Variants in PCDH15 observed in about 807,000 individuals in gnomAD.
PCDH15 encodes the protein protocadherin-15.
A neutral mutation model predicts 178.5 loss-of-function variants in PCDH15; 129 were observed. The observed-to-expected ratio is 0.72, with a 90% confidence interval of 0.63 to 0.84. The LOEUF is 0.84. Ranked by LOEUF, PCDH15 falls within the 40% of genes least tolerant of loss-of-function variation. The pLI, the probability that PCDH15 is intolerant of heterozygous loss-of-function variation, is 0.00. For synonymous variants in PCDH15, 800 were observed against 732.0 expected (o/e 1.09, Z -1.50); for missense variants, 2,230 against 2,099.9 (o/e 1.06, Z -1.21).
chr10:53,885,609 C>T (rs2081036389), intron 26 of PCDH15, among the ~76,000 whole-genome samples: 2 of 152,032 alleles, frequency 1.3e-5, no homozygotes, highest in African/African-American at 2.4e-5. Context: ...CCATTGACAA[C>T]AAGAAAATTC....
intron 2 of PCDH15, among the ~76,000 whole-genome samples, chr10:54,535,219 C>T (rs2084345840): frequency 6.6e-6 from 1 of 152,018 alleles, no homozygotes; most frequent in African/African-American, 2.4e-5. Context: ...TAGTAATATC[C>T]ACCAAATTCA....
In PCDH15 at chr10:54,189,273, C is replaced by T. The variant is rs73244898; in HGVS notation, c.1306-4005G>A. 6.7e-4 allele frequency: 642 copies of T among 958,186 alleles called. 2 individuals carry two copies. The African/African-American group carries it at 9.8e-3, about 15-fold the overall frequency. 59.4% of individuals were successfully genotyped at this position (958,186 alleles called of 1,614,324 possible). On this transcript the variant is annotated intron_variant, in intron 11 of 37. Coordinates refer to ENST00000644397, the MANE Select transcript of PCDH15 (RefSeq NM_001384140.1). ...CTTATAAGGGATAATGAAGTAATAC[C>T]TACGTGTTTTAGTGAAGAAAAAAAA...
At chr10:55,569,139 C>G (rs1363626998) in intron 2 of PCDH15, among the ~76,000 whole-genome samples, 1 of 151,964 alleles carries the variant, frequency 6.6e-6, no homozygotes, top group Admixed American at 6.6e-5. Flanking sequence ...TAACTTGGTC[C>G]CTCCTAAGCT....
At chr10:55,154,375 C>CTGG (rs1838825917) in intron 2 of PCDH15, among the ~76,000 whole-genome samples, 1 of 151,968 alleles carries the variant, frequency 6.6e-6, no homozygotes, top group Non-Finnish European at 1.5e-5. Context: ...ATGGAGAACC[C>CTGG]TGGGGCAAAT....
At chr10:54,831,056 A>G (rs1037131974) in intron 3 of PCDH15, among the ~76,000 whole-genome samples, 1 of 152,138 alleles carries the variant, frequency 6.6e-6, no homozygotes, top group Admixed American at 6.6e-5. Context: ...TACTCTTGGA[A>G]GAACTAGGTC....
intron 26 of PCDH15, among the ~76,000 whole-genome samples, chr10:53,900,834 C>A (rs1036533750): frequency 7.2e-5 from 11 of 152,152 alleles, no homozygotes; most frequent in African/African-American, 2.4e-4. Context: ...TAATGCCACC[C>A]ACTAAATTTC....
chr10:55,111,657 A>G (rs537527697), intron 2 of PCDH15, among the ~76,000 whole-genome samples: 256 of 152,316 alleles, frequency 1.7e-3, no homozygotes, highest in African/African-American at 5.9e-3. Flanking sequence ...CAGCCTGACC[A>G]ACATTAAGAA....
intron 2 of PCDH15, among the ~76,000 whole-genome samples, chr10:55,545,810 T>A (rs1221272589): frequency 6.6e-6 from 1 of 151,586 alleles, no homozygotes; most frequent in Admixed American, 6.6e-5. Flanking sequence ...TTAAAAATAT[T>A]TTTTTTTCAG....
chr10:54,848,482 T>C (rs1953552779), intron 3 of PCDH15, among the ~76,000 whole-genome samples: 1 of 151,790 alleles, frequency 6.6e-6, no homozygotes, highest in South Asian at 2.1e-4. Context: ...TGCTAACATG[T>C]AGCACACTCA....
chr10:55,178,302 A>G (rs1009023434), intron 1 of PCDH15, among the ~76,000 whole-genome samples: 4 of 152,138 alleles, frequency 2.6e-5, no homozygotes, highest in Non-Finnish European at 4.4e-5. Flanking sequence ...GATCCACTTG[A>G]GGCCTCTAAT....
intron 1 of PCDH15, among the ~76,000 whole-genome samples, chr10:54,665,617 GTAAGC>G (rs1565891449): frequency 6.6e-6 from 1 of 151,996 alleles, no homozygotes. Flanking sequence ...TATTAAAGGT[GTAAGC>G]TCTTTTTTTA....
At chr10:55,237,301 A>G (rs1841408198) in intron 1 of PCDH15, among the ~76,000 whole-genome samples, 4 of 152,114 alleles carry the variant, frequency 2.6e-5, no homozygotes, top group Admixed American at 2.0e-4. Flanking sequence ...TTACTTAAAG[A>G]CAGGTTATGA....
At chr10:54,585,588 C>T (rs1315995516) in intron 2 of PCDH15, 1 of 202,020 alleles carries the variant, frequency 5.0e-6, no homozygotes, top group East Asian at 1.3e-4. Flanking sequence ...ATTTCATTGG[C>T]ATCATCAGTC....
chr10:54,360,532 G>T (rs1302044128), intron 5 of PCDH15, among the ~76,000 whole-genome samples: 1 of 151,988 alleles, frequency 6.6e-6, no homozygotes, highest in Non-Finnish European at 1.5e-5. Context: ...GTTGGGCAGG[G>T]TGTTCATCTT....
At chr10:55,494,269 T>A (rs751079662) in intron 2 of PCDH15, among the ~76,000 whole-genome samples, 1 of 151,772 alleles carries the variant, frequency 6.6e-6, no homozygotes, top group Non-Finnish European at 1.5e-5. Context: ...TAGTCTACTT[T>A]GATATTCATA....
chr10:54,645,662 C>A (rs1372577942), intron 2 of PCDH15, among the ~76,000 whole-genome samples: 1 of 151,994 alleles, frequency 6.6e-6, no homozygotes, highest in Non-Finnish European at 1.5e-5. Context: ...TATGAGTGTT[C>A]TAAGAAAGAA....
At position 53,805,789 on chromosome 10, in the gene PCDH15, C is replaced by G. The variant is rs1841111613; in HGVS notation, c.*790G>C. 1 of 152,050 alleles carries G rather than the reference C, an allele frequency of 6.6e-6. No homozygotes were observed. Among genetic ancestry groups the G allele is most frequent in the African/African-American group, 2.4e-5 (1 of 41,412 alleles). The allele number at this position is 152,050 out of a possible 1,614,324, so 9.4% of individuals were successfully genotyped here. The stretch of plus-strand genomic sequence containing the variant: ...GCTTACTCGAACCTTTCTCACTTCC[C>G]TAAAAGCTTTTGCTAAGGGTGAGAT... On this transcript the variant is annotated 3_prime_UTR_variant, in exon 38 of 38. Transcript: ENST00000644397.
chr10:54,307,590 G>A (rs535796287), intron 8 of PCDH15, among the ~76,000 whole-genome samples: 1 of 152,008 alleles, frequency 6.6e-6, no homozygotes, highest in East Asian at 2.0e-4. Context: ...GTATCACCTT[G>A]TGGCATTTGG....
intron 14 of PCDH15, among the ~76,000 whole-genome samples, chr10:54,140,556 C>T (rs2043304833): frequency 1.3e-5 from 2 of 151,964 alleles, no homozygotes; most frequent in Admixed American, 1.3e-4. Flanking sequence ...GCAACCCCTG[C>T]CTCCCGGGTT....
Sources: gnomAD v4.1 joint callset for allele counts (sites outside exome capture counted in the v4.1 genomes callset) on GRCh38, gnomAD v4.1.1 for gene constraint, MANE v1.5 for transcripts, NCBI Gene and HGNC (gene_info 2026-07-23, HGNC 2026-07-21) for gene names.